Variants in SPINDOC observed in about 807,000 individuals in gnomAD.
SPINDOC encodes spindlin interactor and repressor of chromatin-binding protein.
Under a neutral mutation model 30.7 loss-of-function variants are expected in SPINDOC, and 13 were observed. The observed-to-expected ratio is 0.42, with a 90% CI of 0.28 to 0.67. SPINDOC has a LOEUF of 0.67. SPINDOC is among the 30% of genes least tolerant of loss of function. SPINDOC has a pLI of 0.22. For synonymous variants in SPINDOC, 228 were observed against 211.4 expected (o/e 1.08, Z -0.68); for missense variants, 438 against 518.0 (o/e 0.85, Z 1.50).
At chr11:63,815,469 A>G (rs571677968) in intron 1 of SPINDOC, among the ~76,000 whole-genome samples, 1 of 152,346 alleles carries the variant, frequency 6.6e-6, no homozygotes, top group South Asian at 2.1e-4. Flanking sequence ...TACGTTTGAG[A>G]TGCCTATTTA....
intron 1 of SPINDOC, 29 bp downstream of exon 1, chr11:63,813,842 G>T: frequency 6.7e-7 from 1 of 1,495,286 alleles, no homozygotes; most frequent in Non-Finnish European, 9.0e-7. Flanking sequence ...CCACTTCCGC[G>T]TCACGGTGCG....
chr11:63,813,567 TGCGCGGGGCGGGCGGCGGGCCCG>T lies in SPINDOC; in HGVS notation c.-115_-93del. ...GGCGGGCGGGCGGCGGGGAGGGGGC[TGCGCGGGGCGGGCGGCGGGCCCG>T]GCGCTATTCCGGCCAGGAGGCGGGA... is the stretch of plus-strand genomic sequence containing the variant. On this transcript the variant is annotated 5_prime_UTR_variant, in exon 1 of 6. Transcript: ENST00000294244. The T allele has an allele frequency of 1.1e-6, 1 of 878,634 alleles. No individual in the cohort carries two copies. Among genetic ancestry groups the T allele is most frequent in the Non-Finnish European group, 1.4e-6 (1 of 723,152 alleles). 54.4% of individuals were successfully genotyped at this position (878,634 alleles called of 1,614,324 possible).
At position 63,813,507 on chromosome 11, in the gene SPINDOC, C is replaced by T. The variant is rs1258814821; in HGVS notation, c.-180C>T. 8 of 313,206 alleles carry T rather than the reference C, an allele frequency of 2.6e-5. No homozygotes were observed. Among genetic ancestry groups the T allele is most frequent in the South Asian group, 1.2e-4 (1 of 8,112 alleles). The allele number at this position is 313,206 out of a possible 1,614,324, so 19.4% of individuals were successfully genotyped here. ...CCGACGCGCCGAGGTCTCGGGGAGGCCCGGACGCGCCGGTCGCAGGCCCGG... is the reference window on the plus strand; with the variant it reads ...CCGACGCGCCGAGGTCTCGGGGAGGTCCGGACGCGCCGGTCGCAGGCCCGG... On this transcript the variant is annotated 5_prime_UTR_variant, in exon 1 of 6. Coordinates refer to ENST00000294244, the MANE Select transcript of SPINDOC (RefSeq NM_138471.3).
chr11:63,815,557 C>A (rs368589090), intron 1 of SPINDOC, among the ~76,000 whole-genome samples: 1 of 152,100 alleles, frequency 6.6e-6, no homozygotes, highest in Non-Finnish European at 1.5e-5. Flanking sequence ...TAGCTAGTGG[C>A]GTAAACAGAA....
Position 63,818,663 on chromosome 11 carries a change from G to C in SPINDOC, c.733+11G>C. Reference sequence around the variant, plus strand: ...TGGACCCTGACCCAGGTGAAGGGGAGGCCCGGGGGAGGCGTGGGCTCTGGC... The same window carrying C: ...TGGACCCTGACCCAGGTGAAGGGGACGCCCGGGGGAGGCGTGGGCTCTGGC... On this transcript the variant is annotated intron_variant, in intron 4 of 5. Coordinates refer to ENST00000294244, the MANE Select transcript of SPINDOC (RefSeq NM_138471.3). This position sits in a 1 kb window ranked among gnomAD's most constrained non-coding sequence, Gnocchi z 5.3. The C allele has an allele frequency of 1.2e-6, 2 of 1,613,422 alleles. No individual in the cohort carries two copies. The highest frequency in any genetic ancestry group is 1.7e-6 in the Non-Finnish European group (2 of 1,179,928).
In SPINDOC at chr11:63,817,893, T is replaced by G; in HGVS notation, c.216T>G (p.Ser72=). Residue 72 remains serine (S), a synonymous_variant, in exon 2 of 6, where the codon TCT becomes TCG. Coordinates refer to ENST00000294244, the MANE Select transcript of SPINDOC (RefSeq NM_138471.3). The stretch of plus-strand genomic sequence containing the variant: ...GTGAGGAGCCGAAGCAGCAGGTGTC[T>G]TGGGAGCAGGAGTTCCTGGTGGGCA... ...DGCEEPKQQV[S]WEQEFLVGSS... is the part of the protein sequence containing the mutation. The G allele has an allele frequency of 6.2e-7, 1 of 1,613,596 alleles. No individual in the cohort carries two copies.
intron 5 of SPINDOC, among the ~76,000 whole-genome samples, chr11:63,820,768 T>C (rs2015493923): frequency 6.7e-6 from 1 of 150,252 alleles, no homozygotes; most frequent in African/African-American, 2.4e-5. Context: ...CGCACGCCTG[T>C]AGTCCCAGCT....
intron 5 of SPINDOC, among the ~76,000 whole-genome samples, chr11:63,825,194 A>G (rs2015624516): frequency 6.6e-6 from 1 of 152,078 alleles, no homozygotes; most frequent in South Asian, 2.1e-4. Flanking sequence ...CACTCCAGAT[A>G]AAAGCCAGAG....
intron 5 of SPINDOC, chr11:63,822,766 G>C: frequency 7.8e-7 from 1 of 1,288,914 alleles, no homozygotes; most frequent in Non-Finnish European, 1.0e-6. Context: ...CTGTCTAATG[G>C]GTCTTCTGAT....
chr11:63,818,761 A>G lies in SPINDOC; in HGVS notation c.734-41A>G. The G allele has an allele frequency of 6.2e-7, 1 of 1,612,674 alleles. No homozygotes were observed. Among genetic ancestry groups the G allele is most frequent in the South Asian group, 1.1e-5 (1 of 91,066 alleles). ...GGGCGCAGGGCGCCTGCAGCTCCTG[A>G]GGCTTTTTCACTCACAGTTCCATCC... is the stretch of plus-strand genomic sequence containing the variant. On this transcript the variant is annotated intron_variant, in intron 4 of 5. Transcript: ENST00000294244. The surrounding 1 kb of genome is among the most constrained non-coding windows in gnomAD (Gnocchi z 5.3).
At chr11:63,815,043 C>CAT in intron 1 of SPINDOC, among the ~76,000 whole-genome samples, 1 of 152,110 alleles carries the variant, frequency 6.6e-6, no homozygotes, top group East Asian at 1.9e-4. Flanking sequence ...TCTTGAAGAA[C>CAT]ATATATATAC....
intron 1 of SPINDOC, 24 bp downstream of exon 1, chr11:63,813,837 T>G: frequency 6.7e-7 from 1 of 1,499,656 alleles, no homozygotes; most frequent in Non-Finnish European, 8.9e-7. Context: ...GGATTCCACT[T>G]CCGCGTCACG....
chr11:63,815,823 A>C (rs1356295336), intron 1 of SPINDOC, among the ~76,000 whole-genome samples: 2 of 151,024 alleles, frequency 1.3e-5, no homozygotes, highest in Non-Finnish European at 2.9e-5. Flanking sequence ...GCTGTAGTGC[A>C]ATGGCACAAT....
Position 63,818,142 on chromosome 11 carries a change from G to C in SPINDOC, c.457+8G>C, listed in dbSNP as rs1312857398. On this transcript the variant is annotated splice_region_variant and intron_variant, in intron 2 of 5. Transcript: ENST00000294244. The surrounding 1 kb of genome is among the most constrained non-coding windows in gnomAD (Gnocchi z 5.3). ...CGTCCCCACCCAACTCAGGTAGTTG[G>C]TCCTGGGGCTGGCGAAGGGAGAAGT... 1 of 1,613,510 alleles carries C rather than the reference G, an allele frequency of 6.2e-7. No individual in the cohort carries two copies. The highest frequency in any genetic ancestry group is 8.5e-7 in the Non-Finnish European group (1 of 1,179,532).
At chr11:63,824,029 T>TC (rs1253680023) in intron 5 of SPINDOC, among the ~76,000 whole-genome samples, 1 of 152,092 alleles carries the variant, frequency 6.6e-6, no homozygotes, top group African/African-American at 2.4e-5. Context: ...TTCCTCAGCC[T>TC]CCTGAGTAGC....
Position 63,818,807 on chromosome 11 carries a change from C to G in SPINDOC, c.739C>G (p.Pro247Ala), listed in dbSNP as rs769118722. ...CATCCCGTCCTCCCTTCCAGAGCCCCCATCGCCAGACTCGCCCACGGAGAC... is the reference window on the plus strand; with the variant it reads ...CATCCCGTCCTCCCTTCCAGAGCCCGCATCGCCAGACTCGCCCACGGAGAC... Reference protein sequence around the residue: ...TKNLDPDPEPPSPDSPTETFA... With the variant: ...TKNLDPDPEPASPDSPTETFA... Residue 247 changes from proline (P) to alanine (A), a missense_variant, in exon 5 of 6, where the codon CCA (proline) becomes GCA (alanine). This residue lies in a region of SPINDOC where 300 missense variants were observed against 332.8 expected (regional missense o/e 0.90). Transcript: ENST00000294244. This position sits in a 1 kb window ranked among gnomAD's most constrained non-coding sequence, Gnocchi z 5.3. 11 of 1,613,674 alleles carry G rather than the reference C, an allele frequency of 6.8e-6. No individual in the cohort carries two copies. In the Admixed American group the frequency reaches 1.7e-4, roughly 24 times the overall value.
rs1430866903 is a variant in SPINDOC, at chr11:63,818,951, G to T, written c.883G>T (p.Asp295Tyr). Residue 295 changes from aspartate (D) to tyrosine (Y), a missense_variant, in exon 5 of 6, where the codon GAC (aspartate) becomes TAC (tyrosine). Transcript: ENST00000294244. This position sits in a 1 kb window ranked among gnomAD's most constrained non-coding sequence, Gnocchi z 5.3. ...RGPDSKDSPK[D>Y]REVAEGGLPR... ...CCCAGACAGCAAGGACTCACCCAAA[G>T]ACAGGGAAGTGGCAGAAGGAGGCCT... The T allele has an allele frequency of 6.2e-7, 1 of 1,614,172 alleles. No homozygotes were observed. Among genetic ancestry groups the T allele is most frequent in the Non-Finnish European group, 8.5e-7 (1 of 1,180,048 alleles).
At chr11:63,820,715 C>T (rs2015492309) in intron 5 of SPINDOC, among the ~76,000 whole-genome samples, 1 of 151,108 alleles carries the variant, frequency 6.6e-6, no homozygotes, top group African/African-American at 2.4e-5. Context: ...CACGGTGAAA[C>T]CCCGTCTCTA....
chr11:63,813,465 C>T lies in SPINDOC; in HGVS notation c.-222C>T, dbSNP rs1317034231. ...GGGGGGCAGGGGCCCCGGATTGAGC[C>T]CTCCCCGCCCGGGCTCCCGACGCGC... is the stretch of plus-strand genomic sequence containing the variant. On this transcript the variant is annotated 5_prime_UTR_variant, in exon 1 of 6. Transcript: ENST00000294244. 1.2e-5 allele frequency: 2 copies of T among 166,420 alleles called. No individual in the cohort carries two copies. The highest frequency in any genetic ancestry group is 1.9e-4 in the East Asian group (1 of 5,160). 10.3% of individuals were successfully genotyped at this position (166,420 alleles called of 1,614,324 possible).
Sources: gnomAD v4.1 joint callset for allele counts (sites outside exome capture counted in the v4.1 genomes callset) on GRCh38, gnomAD v4.1.1 for gene constraint, gnomAD v4.1.1 regional missense constraint, Gnocchi (gnomAD v3.1) non-coding constraint, MANE v1.5 for transcripts, NCBI Gene and HGNC (gene_info 2026-07-23, HGNC 2026-07-21) for gene names.